The following C6orf89 variants were observed in gnomAD, a reference collection of about 807,000 sequenced individuals.
C6orf89 encodes the protein chromosome 6 open reading frame 89.
In C6orf89, 29 loss-of-function variants were observed where a neutral mutation model predicts 40.7. The observed-to-expected ratio is 0.71, with a 90% confidence interval of 0.53 to 0.97. The LOEUF is 0.97. Ranked by LOEUF, C6orf89 falls within the 50% of genes least tolerant of loss-of-function variation. The pLI, the probability that C6orf89 is intolerant of heterozygous loss-of-function variation, is 0.00. For missense variants in C6orf89, 392 were observed against 429.1 expected, an observed-to-expected ratio of 0.91 and a Z score of 0.76; for synonymous variants, 165 against 152.2, an observed-to-expected ratio of 1.08 and a Z score of -0.62.
rs1246652873 is a variant in C6orf89, at chr6:36,914,317, A to G, written c.437A>G (p.Gln146Arg). Residue 146 changes from glutamine to arginine, a missense_variant, in exon 5 of 9, where the codon CAG (glutamine) becomes CGG (arginine). Transcript: ENST00000480824. ...CCCTGGTGGACAAACGACTGTGAGCAGAATGAGTCAGAGCCCATTCCTGCC... is the reference window on the plus strand; with the variant it reads ...CCCTGGTGGACAAACGACTGTGAGCGGAATGAGTCAGAGCCCATTCCTGCC... ...FDPWWTNDCE[Q>R]NESEPIPANC... The G allele has an allele frequency of 4.3e-6, 7 of 1,614,070 alleles. No homozygotes were observed. The African/African-American group carries it at 6.7e-5, about 15-fold the overall frequency.
At chr6:36,893,372 G>A (rs1444103754) in intron 1 of C6orf89, among the ~76,000 whole-genome samples, 1 of 151,992 alleles carries the variant, frequency 6.6e-6, no homozygotes, top group African/African-American at 2.4e-5. Context: ...ATCTTTTCCA[G>A]TTTAGGACGA....
intron 1 of C6orf89, among the ~76,000 whole-genome samples, chr6:36,886,871 A>G (rs1441667335): frequency 6.6e-6 from 1 of 152,192 alleles, no homozygotes; most frequent in East Asian, 1.9e-4. Flanking sequence ...TAAAATAATA[A>G]CTAATAAATT....
At position 36,919,988 on chromosome 6, in the gene C6orf89, C is replaced by T. The variant is rs184174433; in HGVS notation, c.949+287C>T. On this transcript the variant is annotated intron_variant, in intron 8 of 8. Transcript: ENST00000480824. ...CTGGAAAATATTTAGACCAATCCCTCGTTTTATAGATGAAAAGGTTGAGAC... is the reference window on the plus strand; with the variant it reads ...CTGGAAAATATTTAGACCAATCCCTTGTTTTATAGATGAAAAGGTTGAGAC... Among the ~76,000 whole-genome samples, 55 of 152,268 alleles carry T rather than the reference C, an allele frequency of 3.6e-4. No individual in the cohort carries two copies. In the East Asian group the frequency reaches 9.6e-3, roughly 27 times the overall value.
intron 7 of C6orf89, among the ~76,000 whole-genome samples, chr6:36,916,937 C>T (rs987528379): frequency 6.6e-6 from 1 of 152,076 alleles, no homozygotes; most frequent in East Asian, 1.9e-4. Flanking sequence ...CAGCCATGAT[C>T]GGTGGTCGCT....
At chr6:36,887,661 A>C (rs1306540401) in intron 1 of C6orf89, among the ~76,000 whole-genome samples, 1 of 152,226 alleles carries the variant, frequency 6.6e-6, no homozygotes, top group Non-Finnish European at 1.5e-5. Context: ...ATTGATGGGA[A>C]ATGAAACTGA....
chr6:36,893,976 A>G (rs1037225844), intron 1 of C6orf89, among the ~76,000 whole-genome samples: 1 of 149,690 alleles, frequency 6.7e-6, no homozygotes, highest in Non-Finnish European at 1.5e-5. Flanking sequence ...GTGAGCCAAG[A>G]TTGCACCACT....
At chr6:36,884,389 G>C (rs1353241036), upstream of C6orf89, among the ~76,000 whole-genome samples, 3 of 152,064 alleles carry the variant, frequency 2.0e-5, no homozygotes, top group African/African-American at 7.2e-5. This position sits in a 1 kb window ranked among gnomAD's most constrained non-coding sequence, Gnocchi z 4.0. Context: ...TTGGCTTATG[G>C]GGACCCTGGG....
upstream of C6orf89, among the ~76,000 whole-genome samples, chr6:36,881,070 A>G (rs191663865): frequency 1.3e-5 from 2 of 152,234 alleles, no homozygotes; most frequent in Non-Finnish European, 2.9e-5. Flanking sequence ...GATGCTGGAA[A>G]GAGTCGGACC....
intron 4 of C6orf89, among the ~76,000 whole-genome samples, chr6:36,906,071 C>T (rs1761914096): frequency 6.6e-6 from 1 of 152,196 alleles, no homozygotes; most frequent in South Asian, 2.1e-4. Flanking sequence ...ACTGAGGAAG[C>T]CTGGGATAGT....
At chr6:36,903,513 G>A (rs1469767600) in intron 4 of C6orf89, among the ~76,000 whole-genome samples, 1 of 152,002 alleles carries the variant, frequency 6.6e-6, no homozygotes, top group Non-Finnish European at 1.5e-5. Context: ...AGGCTGGAGT[G>A]CAGTGGTGCG....
chr6:36,874,833 G>A (rs1012552621), intron 1 of C6orf89: 1 of 1,574,330 alleles, frequency 6.4e-7, no homozygotes, highest in Admixed American at 1.7e-5. Flanking sequence ...GATTAGCTGG[G>A]GACCCGTCGC....
At chr6:36,910,396 T>C (rs1033608393) in intron 4 of C6orf89, among the ~76,000 whole-genome samples, 1 of 152,212 alleles carries the variant, frequency 6.6e-6, no homozygotes, top group Non-Finnish European at 1.5e-5. Context: ...TTTGATTTAT[T>C]GAATCTACCC....
intron 4 of C6orf89, among the ~76,000 whole-genome samples, chr6:36,905,985 C>A (rs149713902): frequency 6.6e-6 from 1 of 152,182 alleles, no homozygotes; most frequent in African/African-American, 2.4e-5. Context: ...TCAAGCCAGG[C>A]GCTAGCATGT....
At position 36,925,645 on chromosome 6, in the gene C6orf89, T is replaced by TA. The variant is rs1192478722; in HGVS notation, c.*2205dup. On this transcript the variant is annotated 3_prime_UTR_variant, in exon 9 of 9. Coordinates refer to ENST00000480824, the MANE Select transcript of C6orf89 (RefSeq NM_001286635.2). ...AATTCTCCAAAGAGGGTTTTCTACA[T>TA]ACACAGAAGCAGTTCAACTTCTCAA... The TA allele has an allele frequency of 4.6e-5, 7 of 152,336 alleles. No homozygotes were observed. Among genetic ancestry groups the TA allele is most frequent in the Non-Finnish European group, 7.4e-5 (5 of 68,026 alleles). 9.4% of individuals were successfully genotyped at this position (152,336 alleles called of 1,614,324 possible).
upstream of C6orf89, among the ~76,000 whole-genome samples, chr6:36,884,453 G>A (rs1774907562): frequency 6.6e-6 from 1 of 152,112 alleles, no homozygotes; most frequent in Non-Finnish European, 1.5e-5. The surrounding 1 kb of genome is among the most constrained non-coding windows in gnomAD (Gnocchi z 4.0). Context: ...GATAATAATA[G>A]TCTCCCTGGT....
rs186925365 is a variant in C6orf89 at position 36,871,952 on chromosome 6, C to A, written c.-643C>A. 1,525 of 1,280,166 alleles carry A rather than the reference C, an allele frequency of 1.2e-3. 10 individuals carry two copies. Among genetic ancestry groups the A allele is most frequent in the Non-Finnish European group, 1.9e-4 (182 of 970,024 alleles). 79.3% of individuals were successfully genotyped at this position (1,280,166 alleles called of 1,614,324 possible). A position where few individuals can be genotyped will look rare whatever the true frequency, so the allele number is the denominator to read the frequency against. On this transcript the variant is annotated 5_prime_UTR_variant, in exon 1 of 10. Coordinates refer to the C6orf89 transcript ENST00000359359. ...AGTATTATGGAACTGCTCCAGGACT[C>A]TTGATTTTCAAGCTTGTAAGTCATG...
At chr6:36,908,746 A>G (rs1211849856) in intron 4 of C6orf89, among the ~76,000 whole-genome samples, 1 of 152,170 alleles carries the variant, frequency 6.6e-6, no homozygotes, top group Non-Finnish European at 1.5e-5. Flanking sequence ...ACAGTTGTGG[A>G]GTCTAGAAGT....
chr6:36,919,673 G>C lies in C6orf89; in HGVS notation c.921G>C (p.Val307=), dbSNP rs1000028008. 30 of 1,613,942 alleles carry C rather than the reference G, an allele frequency of 1.9e-5. No homozygotes were observed. Among genetic ancestry groups the C allele is most frequent in the Non-Finnish European group, 2.5e-5 (30 of 1,179,940 alleles). ...PFQCRRHCQS[V]AMPIEPGDIG... ...AGTGCCGAAGACATTGTCAGTCTGT[G>C]GCCATGCCAATAGAGCCAGGGGATA... Residue 307 remains valine (V), a synonymous_variant, in exon 8 of 9, where the codon GTG becomes GTC. Transcript: ENST00000480824.
chr6:36,877,523 G>A (rs886753552), intron 1 of C6orf89, among the ~76,000 whole-genome samples: 1 of 152,124 alleles, frequency 6.6e-6, no homozygotes, highest in Non-Finnish European at 1.5e-5. Context: ...TAGAGACAGG[G>A]TTTCACCATG....
Sources: gnomAD v4.1 joint callset for allele counts (sites outside exome capture counted in the v4.1 genomes callset) on GRCh38, gnomAD v4.1.1 for gene constraint, Gnocchi (gnomAD v3.1) non-coding constraint, MANE v1.5 for transcripts, NCBI Gene and HGNC (gene_info 2026-07-23, HGNC 2026-07-21) for gene names.